PSEN2: variants seen among roughly 807,000 people sequenced by gnomAD.
PSEN2 encodes the protein presenilin-2.
Under a neutral mutation model 49.1 loss-of-function variants are expected in PSEN2, and 32 were observed. The observed-to-expected ratio is 0.65, with a 90% CI of 0.49 to 0.88. The LOEUF is 0.88. PSEN2 is among the 40% of genes least tolerant of loss of function. The probability of loss-of-function intolerance (pLI) is 0.00; values close to 1 mark genes in which losing one functional copy is unlikely to be tolerated. For synonymous variants in PSEN2, 255 were observed against 244.0 expected, an observed-to-expected ratio of 1.05 and a Z score of -0.42; for missense variants, 522 against 586.9, an observed-to-expected ratio of 0.89 and a Z score of 1.14.
chr1:226,895,474 C>T lies in PSEN2; in HGVS notation c.1242C>T (p.Pro414=), dbSNP rs751025333. Residue 414 remains proline (P), a synonymous_variant, in exon 13 of 13, where the codon CCC becomes CCT. Coordinates refer to ENST00000366783, the MANE Select transcript of PSEN2 (RefSeq NM_000447.3). ...TTGCTGTGTTCAAGAAGGCGCTGCCCGCCCTCCCCATCTCCATCACGTTCG... is the reference window on the plus strand; with the variant it reads ...TTGCTGTGTTCAAGAAGGCGCTGCCTGCCCTCCCCATCTCCATCACGTTCG... ...LLLAVFKKAL[P]ALPISITFGL... 19 of 1,613,918 alleles carry T rather than the reference C, an allele frequency of 1.2e-5. No homozygotes were observed. Among genetic ancestry groups the T allele is most frequent in the East Asian group, 6.7e-5 (3 of 44,870 alleles).
chr1:226,894,143 C>T lies in PSEN2; in HGVS notation c.1191+18C>T, dbSNP rs202197781. 26 of 1,598,280 alleles carry T rather than the reference C, an allele frequency of 1.6e-5. No homozygotes were observed. The highest frequency in any genetic ancestry group is 8.8e-5 in the South Asian group (8 of 90,690). Reference sequence around the variant, plus strand: ...TCCTCATTGTGAGTGGCTGGGGATGCGTCCAGCTGCCTCGTGGTGGGGGCC... The same window carrying T: ...TCCTCATTGTGAGTGGCTGGGGATGTGTCCAGCTGCCTCGTGGTGGGGGCC... On this transcript the variant is annotated intron_variant, in intron 12 of 12. Coordinates refer to ENST00000366783, the MANE Select transcript of PSEN2 (RefSeq NM_000447.3).
chr1:226,900,519 T>A (rs1214147201), downstream of PSEN2, among the ~76,000 whole-genome samples: 3 of 152,240 alleles, frequency 2.0e-5, no homozygotes, highest in Non-Finnish European at 4.4e-5. Flanking sequence ...GGTCCTGTGG[T>A]CACCCGCTGA....
At chr1:226,888,806 C>T in intron 7 of PSEN2, 23 bp from the exon 8 acceptor site, 1 of 1,602,678 alleles carries the variant, frequency 6.2e-7, no homozygotes, top group Non-Finnish European at 8.6e-7. Flanking sequence ...GTCCCAGTCA[C>T]AGGCTCCACC....
intron 3 of PSEN2, among the ~76,000 whole-genome samples, chr1:226,878,062 C>T (rs1044503902): frequency 6.6e-6 from 1 of 151,736 alleles, no homozygotes; most frequent in Non-Finnish European, 1.5e-5. Flanking sequence ...CAGGGATTGT[C>T]TTTTTTTTCT....
At chr1:226,880,444 G>A (rs1182616255) in intron 3 of PSEN2, 2 of 1,320,902 alleles carry the variant, frequency 1.5e-6, no homozygotes, top group African/African-American at 1.5e-5. Context: ...TTTCAGCAGA[G>A]CGCACACCTG....
intron 11 of PSEN2, 105 bp downstream of exon 11, chr1:226,891,949 G>T: frequency 9.9e-7 from 1 of 1,006,196 alleles, no homozygotes. Flanking sequence ...GAGGGGAGGG[G>T]CCCCTTTTCC....
At chr1:226,882,982 A>G (rs557912834) in intron 4 of PSEN2, among the ~76,000 whole-genome samples, 1 of 152,204 alleles carries the variant, frequency 6.6e-6, no homozygotes, top group Admixed American at 6.5e-5. Context: ...CTTTTTCTTT[A>G]GCTGTTCACC....
chr1:226,892,269 T>C (rs1244402275), intron 11 of PSEN2, among the ~76,000 whole-genome samples: 1 of 152,056 alleles, frequency 6.6e-6, no homozygotes, highest in Non-Finnish European at 1.5e-5. Flanking sequence ...TGAGCTGAGC[T>C]CTGAAGGTTG....
At chr1:226,888,749 T>C in intron 7 of PSEN2, 80 bp from the exon 8 acceptor site, 8 of 1,235,464 alleles carry the variant, frequency 6.5e-6, no homozygotes, top group Non-Finnish European at 8.4e-6. Context: ...GAGGGCCAGG[T>C]TGGGACTGAA....
chr1:226,890,433 T>A (rs1661668279), intron 9 of PSEN2: 2 of 393,056 alleles, frequency 5.1e-6, no homozygotes, highest in Admixed American at 3.6e-5. Context: ...ACCCCTCAGC[T>A]CTCCAGGCTC....
At chr1:226,883,284 G>A (rs1661112869) in intron 4 of PSEN2, among the ~76,000 whole-genome samples, 1 of 152,012 alleles carries the variant, frequency 6.6e-6, no homozygotes, top group Admixed American at 6.5e-5. Flanking sequence ...GAGTGTCCCT[G>A]TGCACTGACT....
chr1:226,895,432 T>C lies in PSEN2; in HGVS notation c.1200T>C (p.Cys400=), dbSNP rs138494303. ...ACFVAILIGL[C]LTLLLLAVFK... ...CCCTCCATGTCCTGCAGGGCTTGTGTCTGACCCTCCTGCTGCTTGCTGTGT... is the reference window on the plus strand; with the variant it reads ...CCCTCCATGTCCTGCAGGGCTTGTGCCTGACCCTCCTGCTGCTTGCTGTGT... Residue 400 remains cysteine, a synonymous_variant, in exon 13 of 13, where the codon TGT becomes TGC. Transcript: ENST00000366783. 4.3e-4 allele frequency: 686 copies of C among 1,614,070 alleles called. 2 individuals are homozygous for C. In the African/African-American group the frequency reaches 8.1e-3, roughly 19 times the overall value.
intron 5 of PSEN2, 43 bp from the exon 6 acceptor site, chr1:226,885,495 G>A: frequency 6.2e-7 from 1 of 1,608,596 alleles, no homozygotes; most frequent in Non-Finnish European, 8.5e-7. Flanking sequence ...GCCTCGAGGA[G>A]CAGTCAGGGC....
At chr1:226,876,121 C>T (rs1237143981) in intron 3 of PSEN2, among the ~76,000 whole-genome samples, 2 of 152,082 alleles carry the variant, frequency 1.3e-5, no homozygotes, top group African/African-American at 2.4e-5. Flanking sequence ...AGTCAGCCTC[C>T]GGGGAGAGTT....
intron 2 of PSEN2, among the ~76,000 whole-genome samples, chr1:226,874,684 C>G (rs1392244819): frequency 6.6e-6 from 1 of 152,206 alleles, no homozygotes; most frequent in African/African-American, 2.4e-5. Context: ...TATTGAACAT[C>G]TACTGTGTGC....
At chr1:226,880,500 C>T (rs1026545194) in intron 3 of PSEN2, 1 of 1,513,890 alleles carries the variant, frequency 6.6e-7, no homozygotes, top group East Asian at 2.4e-5. Context: ...GGTCTCTGGA[C>T]AGCGATCACT....
intron 3 of PSEN2, chr1:226,880,551 C>CGATCACTCAGCCTCTGGACAGT (rs1226425403): frequency 2.9e-5 from 45 of 1,569,330 alleles, no homozygotes; most frequent in African/African-American, 1.1e-4. Flanking sequence ...GGACAGACAG[C>CGATCACTCAGCCTCTGGACAGT]GATCACTCAG....
intron 12 of PSEN2, among the ~76,000 whole-genome samples, chr1:226,894,514 G>A (rs1661991313): frequency 6.6e-6 from 1 of 152,256 alleles, no homozygotes; most frequent in Admixed American, 6.5e-5. Flanking sequence ...CGCAAAGCTA[G>A]TGAGGACCAT....
intron 2 of PSEN2, among the ~76,000 whole-genome samples, chr1:226,873,469 G>A (rs1660436030): frequency 6.6e-6 from 1 of 152,116 alleles, no homozygotes; most frequent in Non-Finnish European, 1.5e-5. Context: ...AGGCTGGAGT[G>A]CGATGGTATG....
Sources: gnomAD v4.1 joint callset for allele counts (sites outside exome capture counted in the v4.1 genomes callset) on GRCh38, gnomAD v4.1.1 for gene constraint, MANE v1.5 for transcripts, NCBI Gene and HGNC (gene_info 2026-07-23, HGNC 2026-07-21) for gene names.